The following TMEM201 variants were observed in gnomAD, a reference collection of about 807,000 sequenced individuals.
TMEM201 encodes the protein RP13-15M17.2.
In TMEM201, 26 loss-of-function variants were observed where a neutral mutation model predicts 63.4. That is an observed-to-expected ratio of 0.41 (90% CI 0.30 to 0.57). TMEM201 has a LOEUF of 0.57. Among genes scored for constraint, TMEM201 ranks in the 20% least tolerant of loss-of-function variants. TMEM201 has a pLI of 0.29. For missense variants in TMEM201, 794 were observed against 917.7 expected (o/e 0.87, Z 1.74); for synonymous variants, 417 against 421.6 (o/e 0.99, Z 0.14).
chr1:9,601,186 A>C lies in TMEM201; in HGVS notation c.688A>C (p.Thr230Pro). 6.2e-7 allele frequency: 1 copy of C among 1,612,386 alleles called. No individual in the cohort carries two copies. The highest frequency in any genetic ancestry group is 8.5e-7 in the Non-Finnish European group (1 of 1,179,234). Residue 230 changes from threonine to proline, a missense_variant, in exon 5 of 11, where the codon ACC (threonine) becomes CCC (proline). Thr to Pro is a conservative substitution (Grantham distance 38). Transcript: ENST00000340381. ...LAFLACAFLL[T>P]TALYGASGHF... Reference sequence around the variant, plus strand: ...CTTCCTGGCCTGCGCCTTCCTACTGACCACCGCGCTGTATGGGGCCAGCGG... The same window carrying C: ...CTTCCTGGCCTGCGCCTTCCTACTGCCCACCGCGCTGTATGGGGCCAGCGG...
chr1:9,595,861 G>A (rs1644008367), intron 1 of TMEM201, 29 bp from the exon 2 acceptor site: 1 of 1,611,378 alleles, frequency 6.2e-7, no homozygotes, highest in Non-Finnish European at 8.5e-7. Context: ...GGGTCTTCCA[G>A]GCCAACCCGC....
intron 6 of TMEM201, chr1:9,602,981 G>A (rs1644175514): frequency 1.5e-5 from 15 of 985,558 alleles, no homozygotes; most frequent in African/African-American, 3.5e-5. Context: ...CCTGGCCTTC[G>A]CCATGAGTTT....
chr1:9,592,057 T>C (rs1302926945), intron 1 of TMEM201, among the ~76,000 whole-genome samples: 1 of 152,246 alleles, frequency 6.6e-6, no homozygotes, highest in East Asian at 1.9e-4. Context: ...GGAGCGACCC[T>C]AGAATGGTGG....
At position 9,610,861 on chromosome 1, in the gene TMEM201, C is replaced by A; in HGVS notation, c.1765+56C>A. On this transcript the variant is annotated intron_variant, in intron 9 of 10. Transcript: ENST00000340381. The surrounding 1 kb of genome is among the most constrained non-coding windows in gnomAD (Gnocchi z 4.9). ...TGGGAGGGCCTCTGCTGCCAAGAGG[C>A]CTGGCTGTGCGGCGGTGGGGGGGCT... 2 of 1,498,644 alleles carry A rather than the reference C, an allele frequency of 1.3e-6. No homozygotes were observed. Among genetic ancestry groups the A allele is most frequent in the East Asian group, 2.5e-5 (1 of 40,328 alleles). 92.8% of individuals were successfully genotyped at this position (1,498,644 alleles called of 1,614,324 possible).
chr1:9,611,615 C>T, intron 9 of TMEM201, 138 bp from the exon 10 acceptor site: 1 of 1,120,274 alleles, frequency 8.9e-7, no homozygotes, highest in African/African-American at 1.5e-5. Flanking sequence ...CCCCCACTGT[C>T]CAGGGTGGAT....
chr1:9,602,200 GC>G lies in TMEM201; in HGVS notation c.1089del (p.Cys364AlafsTer98). On this transcript the variant is annotated frameshift_variant, in exon 6 of 11. Transcript: ENST00000340381. LOFTEE classifies it high-confidence loss of function. ...CTCAAGTTCAGCACCACATCTTTGTGCTGCCTGGTTGGCTTCACGGCGGCTG... is the reference window on the plus strand; with the variant it reads ...CTCAAGTTCAGCACCACATCTTTGTGTGCCTGGTTGGCTTCACGGCGGCTG... Reference protein sequence around the residue: ...DTLKFSTTSLCCLVGFTAAVA... With the variant: ...DTLKFSTTSLXCLVGFTAAVA... The G allele has an allele frequency of 6.2e-7, 1 of 1,613,156 alleles. No homozygotes were observed. Among genetic ancestry groups the G allele is most frequent in the Non-Finnish European group, 8.5e-7 (1 of 1,180,022 alleles).
rs1430335345 is a variant in TMEM201 at position 9,607,037 on chromosome 1, G to A, written c.1161-520G>A. Among the ~76,000 whole-genome samples the A allele has an allele frequency of 6.6e-6, 1 of 152,176 alleles. No individual in the cohort carries two copies. Among genetic ancestry groups the A allele is most frequent in the Non-Finnish European group, 1.5e-5 (1 of 68,022 alleles). Reference sequence around the variant, plus strand: ...GGGAGGACTTCCAGGAATCACACCTGGGAACAGAGGGTGCCCAGAGCCGTG... The same window carrying A: ...GGGAGGACTTCCAGGAATCACACCTAGGAACAGAGGGTGCCCAGAGCCGTG... On this transcript the variant is annotated intron_variant, in intron 6 of 10. Transcript: ENST00000340381. The surrounding 1 kb of genome is among the most constrained non-coding windows in gnomAD (Gnocchi z 5.4).
In TMEM201 at chr1:9,608,243, A is replaced by G. The variant is rs1472291124; in HGVS notation, c.1393+454A>G. Among the ~76,000 whole-genome samples, 1 of 152,134 alleles carries G rather than the reference A, an allele frequency of 6.6e-6. No homozygotes were observed. The highest frequency in any genetic ancestry group is 1.5e-5 in the Non-Finnish European group (1 of 68,022). On this transcript the variant is annotated intron_variant, in intron 7 of 10. Transcript: ENST00000340381. This position sits in a 1 kb window ranked among gnomAD's most constrained non-coding sequence, Gnocchi z 4.3. ...ACAGAGCAAGACCCTGTCTCAACAAAAATAAAAATAAAGTGCCCAGAATTG... is the reference window on the plus strand; with the variant it reads ...ACAGAGCAAGACCCTGTCTCAACAAGAATAAAAATAAAGTGCCCAGAATTG...
rs200379760 is a variant in TMEM201 at position 9,610,939 on chromosome 1, C to CAGGCA, written c.1765+134_1765+135insAGGCA. On this transcript the variant is annotated intron_variant, in intron 9 of 10. Transcript: ENST00000340381. The surrounding 1 kb of genome is among the most constrained non-coding windows in gnomAD (Gnocchi z 4.9). ...CTTCCCACCCTGGAGCTCTAGGCAC[C>CAGGCA]CCATTCCGGCTCTGGTGACTTGAAC... 1.3e-6 allele frequency: 2 copies of CAGGCA among 1,501,640 alleles called. No individual in the cohort carries two copies. The highest frequency in any genetic ancestry group is 2.8e-5 in the African/African-American group (2 of 72,358). The allele number at this position is 1,501,640 out of a possible 1,614,324, so 93.0% of individuals were successfully genotyped here.
intron 3 of TMEM201, among the ~76,000 whole-genome samples, chr1:9,597,729 G>A (rs1045010614): frequency 6.6e-6 from 1 of 152,196 alleles, no homozygotes; most frequent in Admixed American, 6.5e-5. Flanking sequence ...GCCTGGGAGG[G>A]AGGGAGAACA....
At chr1:9,602,684 T>G in intron 6 of TMEM201, 2 of 1,103,396 alleles carry the variant, frequency 1.8e-6, no homozygotes, top group Non-Finnish European at 2.2e-6. Flanking sequence ...GGTCCTGCTG[T>G]CTTCCCTTCT....
rs1039274600 is a variant in TMEM201, at chr1:9,609,867, G to A, written c.1421G>A (p.Arg474His). ...TCCGGCTATCTGTTCAGCGGTAGCC[G>A]CCCACCATCTCAGGTGTCTCGATCT... is the stretch of plus-strand genomic sequence containing the variant. Reference protein sequence around the residue: ...ADSGYLFSGSRPPSQVSRSGE... With the variant: ...ADSGYLFSGSHPPSQVSRSGE... Residue 474 changes from arginine (R) to histidine (H), a missense_variant, in exon 8 of 11, where the codon CGC (arginine) becomes CAC (histidine). By Grantham distance (29) the Arg-to-His change is conservative (BLOSUM62 0). Transcript: ENST00000340381. The A allele has an allele frequency of 3.6e-5, 56 of 1,551,240 alleles. No homozygotes were observed. Among genetic ancestry groups the A allele is most frequent in the Non-Finnish European group, 4.2e-5 (48 of 1,146,924 alleles).
chr1:9,589,683 C>T (rs1643887959), intron 1 of TMEM201, among the ~76,000 whole-genome samples: 2 of 152,238 alleles, frequency 1.3e-5, no homozygotes, highest in Non-Finnish European at 2.9e-5. Flanking sequence ...GCCATGCGGG[C>T]CCCCGGGTTC....
intron 1 of TMEM201, 68 bp from the exon 2 acceptor site, chr1:9,595,822 G>A (rs1644007372): frequency 1.9e-6 from 3 of 1,602,228 alleles, no homozygotes; most frequent in Admixed American, 1.7e-5. Context: ...CTGGGGCAGG[G>A]CATGGAGGTC....
chr1:9,612,944 C>A, intron 10 of TMEM201, 42 bp from the exon 11 acceptor site: 1 of 1,528,322 alleles, frequency 6.5e-7, no homozygotes, highest in Non-Finnish European at 8.9e-7. Flanking sequence ...ACAGCGAACC[C>A]ACCCACCCAA....
rs552503033 is a variant in TMEM201, at chr1:9,608,868, C to T, written c.1394-972C>T. Among the ~76,000 whole-genome samples, 16 of 152,240 alleles carry T rather than the reference C, an allele frequency of 1.1e-4. No homozygotes were observed. Among genetic ancestry groups the T allele is most frequent in the African/African-American group, 3.4e-4 (14 of 41,544 alleles). The stretch of plus-strand genomic sequence containing the variant: ...GGGCGCAAGCTTGTCTTGGAGTGTC[C>T]GGTGACAGATGGGACCCCAGTCTCC... On this transcript the variant is annotated intron_variant, in intron 7 of 10. Transcript: ENST00000340381. The surrounding 1 kb of genome is among the most constrained non-coding windows in gnomAD (Gnocchi z 4.3).
Position 9,607,664 on chromosome 1 carries a change from C to T in TMEM201, c.1268C>T (p.Pro423Leu), listed in dbSNP as rs1010382895. 2 of 1,551,980 alleles carry T rather than the reference C, an allele frequency of 1.3e-6. No homozygotes were observed. Among genetic ancestry groups the T allele is most frequent in the Non-Finnish European group, 1.7e-6 (2 of 1,147,092 alleles). The stretch of plus-strand genomic sequence containing the variant: ...GCGTCTCTGTTCATCCCCAGCCCGC[C>T]CAGCTTCCTGCCCCTCGCCAACCAG... Reference protein sequence around the residue: ...SPASLFIPSPPSFLPLANQQL... With the variant: ...SPASLFIPSPLSFLPLANQQL... Residue 423 changes from proline (P) to leucine (L), a missense_variant, in exon 7 of 11, where the codon CCC (proline) becomes CTC (leucine). Coordinates refer to ENST00000340381, the MANE Select transcript of TMEM201 (RefSeq NM_001130924.3). This position sits in a 1 kb window ranked among gnomAD's most constrained non-coding sequence, Gnocchi z 5.4.
At chr1:9,594,171 A>G (rs1173585652) in intron 1 of TMEM201, among the ~76,000 whole-genome samples, 1 of 152,228 alleles carries the variant, frequency 6.6e-6, no homozygotes, top group Non-Finnish European at 1.5e-5. Flanking sequence ...CTGCGGCCCT[A>G]GAAGGCAGAG....
chr1:9,598,135 G>T (rs894116138), intron 3 of TMEM201, among the ~76,000 whole-genome samples: 2 of 152,182 alleles, frequency 1.3e-5, no homozygotes, highest in African/African-American at 2.4e-5. Flanking sequence ...CCTTCTTGGA[G>T]CTCTGCATCT....
Sources: gnomAD v4.1 joint callset for allele counts (sites outside exome capture counted in the v4.1 genomes callset) on GRCh38, gnomAD v4.1.1 for gene constraint, Gnocchi (gnomAD v3.1) non-coding constraint, MANE v1.5 for transcripts, NCBI Gene and HGNC (gene_info 2026-07-23, HGNC 2026-07-21) for gene names.